HERC2: variants seen among roughly 807,000 people sequenced by gnomAD.
HERC2 encodes E3 ubiquitin-protein ligase HERC2.
Under a neutral mutation model 537.7 loss-of-function variants are expected in HERC2, and 102 were observed. That is an observed-to-expected ratio of 0.19 (90% CI 0.16 to 0.22). HERC2 has a LOEUF of 0.22. Ranked by LOEUF, HERC2 falls within the 10% of genes least tolerant of loss-of-function variation. The probability of loss-of-function intolerance (pLI) is 1.00; values close to 1 mark genes in which losing one functional copy is unlikely to be tolerated. For missense variants in HERC2, 4,236 were observed against 6,198.2 expected, an observed-to-expected ratio of 0.68 and a Z score of 10.63; for synonymous variants, 2,224 against 2,466.2, an observed-to-expected ratio of 0.90 and a Z score of 2.91.
chr15:28,235,730 G>C (rs1177813112), intron 26 of HERC2, among the ~76,000 whole-genome samples: 3 of 152,272 alleles, frequency 2.0e-5, no homozygotes, highest in African/African-American at 7.2e-5. Flanking sequence ...CTTGTAACAT[G>C]ACCTGCTTAG....
At chr15:28,276,192 CAAAAAAAAA>C (rs11359639) in intron 5 of HERC2, among the ~76,000 whole-genome samples, 1 of 70,106 alleles carries the variant, frequency 1.4e-5, no homozygotes, top group African/African-American at 5.1e-5. Context: ...TCTCAAAAAA[CAAAAAAAAA>C]AAAAAAAAAA....
intron 68 of HERC2, 28 bp from the exon 69 acceptor site, chr15:28,163,313 C>T (rs1376202749): frequency 1.3e-6 from 2 of 1,597,226 alleles, no homozygotes; most frequent in Non-Finnish European, 1.7e-6. Flanking sequence ...CAACAATTAA[C>T]ATGAGGAATG....
At chr15:28,248,184 C>A (rs1433518504) in intron 21 of HERC2, among the ~76,000 whole-genome samples, 1 of 152,200 alleles carries the variant, frequency 6.6e-6, no homozygotes, top group African/African-American at 2.4e-5. Flanking sequence ...CCATTCCACC[C>A]AGCTGGCTCC....
rs117702353 is a variant in HERC2 at position 28,269,362 on chromosome 15, C to A, written c.1332G>T (p.Gln444His). ...KYYANVIGPI[Q>H]CEGLANLGVT... ...CTCCCAGGTTGGCCAGGCCTTCGCA[C>A]TGGATTGGACCAATCACATTGGCAT... Residue 444 changes from glutamine (Q) to histidine (H), a missense_variant, in exon 11 of 93, where the codon CAG becomes CAT. By Grantham distance (24) the Gln-to-His change is conservative. Coordinates refer to ENST00000261609, the MANE Select transcript of HERC2 (RefSeq NM_004667.6). The A allele has an allele frequency of 1.9e-6, 3 of 1,614,192 alleles. No homozygotes were observed. The highest frequency in any genetic ancestry group is 2.2e-5 in the East Asian group (1 of 44,864).
intron 86 of HERC2, among the ~76,000 whole-genome samples, chr15:28,120,013 C>T (rs1888702843): frequency 6.6e-6 from 1 of 152,060 alleles, no homozygotes; most frequent in Middle Eastern, 3.2e-3. Context: ...AGTCTGCGTG[C>T]GGTTTTGAGG....
At chr15:28,239,672 C>T (rs1466705761) in intron 23 of HERC2, among the ~76,000 whole-genome samples, 2 of 146,686 alleles carry the variant, frequency 1.4e-5, no homozygotes, top group Non-Finnish European at 3.0e-5. Context: ...ACCGCCCCAA[C>T]GAGACTGAAT....
At chr15:28,267,750 T>C (rs1364922202) in intron 12 of HERC2, among the ~76,000 whole-genome samples, 1 of 152,266 alleles carries the variant, frequency 6.6e-6, no homozygotes, top group Non-Finnish European at 1.5e-5. Flanking sequence ...GCATGGGCCA[T>C]GCCCCCCAGG....
intron 23 of HERC2, among the ~76,000 whole-genome samples, chr15:28,241,876 T>C (rs531668467): frequency 3.0e-4 from 46 of 152,218 alleles, no homozygotes; most frequent in African/African-American, 1.1e-3. Context: ...CACACCCACA[T>C]TCATAGCAGC....
chr15:28,251,899 T>C (rs1171475671), intron 20 of HERC2, among the ~76,000 whole-genome samples: 3 of 152,244 alleles, frequency 2.0e-5, no homozygotes, highest in Non-Finnish European at 4.4e-5. Flanking sequence ...ATTATTGAGA[T>C]ATTTTACATA....
chr15:28,132,695 C>A lies in HERC2; in HGVS notation c.12366G>T (p.Arg4122=). The change falls in exon 80 of 93, where the codon CGG becomes CGT. Residue 4122 remains arginine (R), a synonymous_variant. Transcript: ENST00000261609. ...LYTWGKGRYG[R]LGHSDSEDQL... ...GGTCCTCACTGTCGCTGTGCCCCAGCCGGCCGTAGCGGCCTTTGCCCCATG... is the reference window on the plus strand; with the variant it reads ...GGTCCTCACTGTCGCTGTGCCCCAGACGGCCGTAGCGGCCTTTGCCCCATG... 2 of 1,588,308 alleles carry A rather than the reference C, an allele frequency of 1.3e-6. No homozygotes were observed. Among genetic ancestry groups the A allele is most frequent in the Non-Finnish European group, 1.7e-6 (2 of 1,167,382 alleles).
intron 71 of HERC2, 86 bp from the exon 72 acceptor site, chr15:28,144,890 T>C: frequency 1.3e-6 from 2 of 1,566,896 alleles, no homozygotes; most frequent in Non-Finnish European, 1.7e-6. Context: ...CAGAATGATT[T>C]CCGTCACGTG....
At position 28,125,078 on chromosome 15, in the gene HERC2, C is replaced by T. The variant is rs1595991843; in HGVS notation, c.12918G>A (p.Val4306=). 4 of 1,613,952 alleles carry T rather than the reference C, an allele frequency of 2.5e-6. No individual in the cohort carries two copies. Among genetic ancestry groups the T allele is most frequent in the Non-Finnish European group, 3.4e-6 (4 of 1,179,814 alleles). The change falls in exon 84 of 93, where the codon GTG becomes GTA. Residue 4306 remains valine (V), a synonymous_variant. Transcript: ENST00000261609. ...CGAGGGTATGTGCTGAGCCACAGGC[C>T]ACACGGTTGACCTTCTTACCCTGAA... ...AALQGKKVNR[V]ACGSAHTLAW...
At chr15:28,146,722 C>T (rs1216024768) in intron 70 of HERC2, among the ~76,000 whole-genome samples, 1 of 149,902 alleles carries the variant, frequency 6.7e-6, no homozygotes, top group East Asian at 1.9e-4. Flanking sequence ...GGGGAGTGAG[C>T]GGCATTGGAG....
At chr15:28,129,429 C>A (rs1051988101) in intron 83 of HERC2, among the ~76,000 whole-genome samples, 1 of 152,228 alleles carries the variant, frequency 6.6e-6, no homozygotes, top group East Asian at 1.9e-4. Context: ...GCTGATCACA[C>A]AGGCACCCCC....
At chr15:28,282,760 C>A (rs1028367886) in intron 4 of HERC2, among the ~76,000 whole-genome samples, 1 of 152,078 alleles carries the variant, frequency 6.6e-6, no homozygotes, top group Non-Finnish European at 1.5e-5. Context: ...GGTGAAACCT[C>A]ATCTCTATTA....
intron 25 of HERC2, 59 bp from the exon 26 acceptor site, chr15:28,237,172 C>G (rs1902554072): frequency 6.7e-7 from 1 of 1,488,258 alleles, no homozygotes; most frequent in East Asian, 2.3e-5. Flanking sequence ...AAACATAAAA[C>G]CAAAAGGACA....
chr15:28,282,922 C>A (rs914576133), intron 4 of HERC2, among the ~76,000 whole-genome samples: 2 of 149,694 alleles, frequency 1.3e-5, no homozygotes, highest in African/African-American at 5.0e-5. Flanking sequence ...CAGGGAGAGA[C>A]TCCGAAGATG....
In HERC2 at chr15:28,248,677, C is replaced by A; in HGVS notation, c.3110G>T (p.Cys1037Phe). The A allele has an allele frequency of 6.2e-7, 1 of 1,614,014 alleles. No individual in the cohort carries two copies. Among genetic ancestry groups the A allele is most frequent in the Non-Finnish European group, 8.5e-7 (1 of 1,179,922 alleles). The change falls in exon 21 of 93, where the codon TGT (cysteine) becomes TTT (phenylalanine). Residue 1037 changes from cysteine to phenylalanine, a missense_variant. By Grantham distance (205) the Cys-to-Phe change is radical. This residue lies in a region of HERC2 where 754 missense variants were observed against 1,085.0 expected (regional missense o/e 0.69). Coordinates refer to ENST00000261609, the MANE Select transcript of HERC2 (RefSeq NM_004667.6). ...LKDVARRISSCLDFEQHSRER... is the reference protein window; with the variant it reads ...LKDVARRISSFLDFEQHSRER... ...ACGACTGTGTTGCTCAAAGTCCAGACATGATGAAATCCGACGGGCAACATC... is the reference window on the plus strand; with the variant it reads ...ACGACTGTGTTGCTCAAAGTCCAGAAATGATGAAATCCGACGGGCAACATC...
chr15:28,298,859 T>A (rs2076544775), intron 3 of HERC2, among the ~76,000 whole-genome samples: 1 of 152,022 alleles, frequency 6.6e-6, no homozygotes, highest in Admixed American at 6.6e-5. Context: ...CTGAGCTATT[T>A]CAACTTAGAA....
Sources: allele counts gnomAD v4.1 joint callset (sites outside exome capture counted in the v4.1 genomes callset), GRCh38; gene constraint gnomAD v4.1.1; regional missense constraint gnomAD v4.1.1; transcripts MANE v1.5; gene names NCBI Gene and HGNC (gene_info 2026-07-23, HGNC 2026-07-21).